Variants in PTDSS1 observed in about 807,000 individuals in gnomAD.
The protein encoded by PTDSS1 is PSS-1.
In PTDSS1, 45 loss-of-function variants were observed where a neutral mutation model predicts 70.5. The ratio of observed to expected loss-of-function variants is 0.64; its 90% CI spans 0.50 to 0.82. The LOEUF (loss-of-function observed/expected upper bound fraction) is 0.82. PTDSS1 is among the 40% of genes least tolerant of loss of function. The pLI is 0.00. For missense variants in PTDSS1, 417 were observed against 586.1 expected (o/e 0.71, Z 2.98); for synonymous variants, 188 against 203.8 (o/e 0.92, Z 0.66).
chr8:96,284,002 T>C (rs924951544), intron 2 of PTDSS1, 107 bp from the exon 3 acceptor site: 19 of 881,718 alleles, frequency 2.2e-5, no homozygotes, highest in African/African-American at 3.5e-5. Flanking sequence ...CTTTTAACAG[T>C]AGAGAGCTTT....
chr8:96,280,783 C>T (rs1467699719), intron 2 of PTDSS1, among the ~76,000 whole-genome samples: 1 of 151,966 alleles, frequency 6.6e-6, no homozygotes, highest in East Asian at 1.9e-4. Flanking sequence ...TTATCAAATC[C>T]GATATAAAGC....
chr8:96,331,460 C>T (rs1256130521), intron 12 of PTDSS1, among the ~76,000 whole-genome samples: 2 of 151,742 alleles, frequency 1.3e-5, no homozygotes, highest in East Asian at 3.9e-4. Context: ...ACCTGGAAGG[C>T]GGAGGTTGCC....
chr8:96,262,005 G>A lies in PTDSS1; in HGVS notation c.-36G>A. ...CGGGGTCCCGGCCTTCTCGGGCTGG[G>A]GCCGCCGCCACCGCGGCAGGACGGG... On this transcript the variant is annotated 5_prime_UTR_variant, in exon 1 of 13. Coordinates refer to ENST00000517309, the MANE Select transcript of PTDSS1 (RefSeq NM_014754.3). This position sits in a 1 kb window ranked among gnomAD's most constrained non-coding sequence, Gnocchi z 4.4. 1 of 1,593,238 alleles carries A rather than the reference G, an allele frequency of 6.3e-7. No homozygotes were observed. The highest frequency in any genetic ancestry group is 8.6e-7 in the Non-Finnish European group (1 of 1,169,030).
At chr8:96,333,388 G>T (rs1333102129) in intron 12 of PTDSS1, 69 bp from the exon 13 acceptor site, 1 of 1,383,830 alleles carries the variant, frequency 7.2e-7, no homozygotes, top group Non-Finnish European at 1.0e-6. Flanking sequence ...AGCCTAGGGC[G>T]GTCTGGAAAG....
chr8:96,273,282 T>C lies in PTDSS1; in HGVS notation c.180-17T>C. 6.4e-7 allele frequency: 1 copy of C among 1,563,144 alleles called. No homozygotes were observed. The highest frequency in any genetic ancestry group is 8.7e-7 in the Non-Finnish European group (1 of 1,151,158). On this transcript the variant is annotated splice_polypyrimidine_tract_variant and intron_variant, in intron 1 of 12. Transcript: ENST00000517309. Reference sequence around the variant, plus strand: ...GGATCTGAAAGTAAATGCTCAATGTTGTTTTTCTATTTTCAGGGATGACTC... The same window carrying C: ...GGATCTGAAAGTAAATGCTCAATGTCGTTTTTCTATTTTCAGGGATGACTC...
At chr8:96,318,902 C>CTT (rs71267241) in intron 9 of PTDSS1, among the ~76,000 whole-genome samples, 567 of 46,198 alleles carry the variant, frequency 0.012, 173 homozygotes, top group South Asian at 0.019. Flanking sequence ...CCCTTCTTGC[C>CTT]TTTTTTTTTT....
intron 7 of PTDSS1, among the ~76,000 whole-genome samples, 185 bp downstream of exon 7, chr8:96,304,366 C>T (rs1280696207): frequency 1.3e-5 from 2 of 152,164 alleles, no homozygotes; most frequent in Non-Finnish European, 2.9e-5. Flanking sequence ...GGTCTTGCCT[C>T]ATTTTGAAGA....
intron 11 of PTDSS1, 42 bp from the exon 12 acceptor site, chr8:96,330,984 G>T (rs1811507226): frequency 8.4e-6 from 13 of 1,546,792 alleles, no homozygotes; most frequent in Non-Finnish European, 1.2e-5. Context: ...TTCTCCCAGG[G>T]AGTTCCTAAA....
chr8:96,290,631 T>C (rs1304775271), intron 4 of PTDSS1, among the ~76,000 whole-genome samples: 1 of 152,116 alleles, frequency 6.6e-6, no homozygotes, highest in Non-Finnish European at 1.5e-5. Flanking sequence ...CCCTTTATAC[T>C]TCTTTAAATT....
At chr8:96,319,487 G>T (rs981752563) in intron 9 of PTDSS1, among the ~76,000 whole-genome samples, 2 of 131,356 alleles carry the variant, frequency 1.5e-5, no homozygotes, top group African/African-American at 5.2e-5. Flanking sequence ...TAAGTGTGTG[G>T]CGTTTCTTAA....
intron 10 of PTDSS1, among the ~76,000 whole-genome samples, chr8:96,327,840 C>G (rs1438295035): frequency 6.6e-6 from 1 of 152,186 alleles, no homozygotes; most frequent in Admixed American, 6.5e-5. Flanking sequence ...TTCTCGCCCC[C>G]CCGCCCTTTC....
chr8:96,293,597 T>C (rs937393611), intron 4 of PTDSS1, among the ~76,000 whole-genome samples: 1 of 152,256 alleles, frequency 6.6e-6, no homozygotes, highest in Non-Finnish European at 1.5e-5. Flanking sequence ...TCAGGTCTTA[T>C]GAGGGGATAA....
rs1302637265 is a variant in PTDSS1, at chr8:96,333,938, C to A, written c.*372C>A. 6 of 567,792 alleles carry A rather than the reference C, an allele frequency of 1.1e-5. No homozygotes were observed. Among genetic ancestry groups the A allele is most frequent in the Non-Finnish European group, 1.9e-5 (6 of 319,784 alleles). The allele number at this position is 567,792 out of a possible 1,614,324, so 35.2% of individuals were successfully genotyped here. On this transcript the variant is annotated 3_prime_UTR_variant, in exon 13 of 13. Transcript: ENST00000517309. ...ATCTTCCTTCAGACGAGGCATTAAC[C>A]CCATGGTTAATGGACTGGTCACCAG...
intron 12 of PTDSS1, among the ~76,000 whole-genome samples, chr8:96,331,443 C>T (rs374221989): frequency 3.4e-4 from 52 of 152,054 alleles, no homozygotes; most frequent in African/African-American, 1.2e-3. Context: ...CCAGGAGAAT[C>T]GCATGAACCT....
Position 96,330,520 on chromosome 8 carries a change from G to A in PTDSS1, c.1242+239G>A. ...GTCTAACTTTTGTTAGATAAAAAAA[G>A]TTATGTTTGTTTGGAGAAAAAAAGA... On this transcript the variant is annotated intron_variant, in intron 11 of 12. Coordinates refer to ENST00000517309, the MANE Select transcript of PTDSS1 (RefSeq NM_014754.3). 4.5e-5 allele frequency: 23 copies of A among 515,010 alleles called. No individual in the cohort carries two copies. The South Asian group carries it at 5.2e-4, about 12-fold the overall frequency. 31.9% of individuals were successfully genotyped at this position (515,010 alleles called of 1,614,324 possible). A position where few individuals can be genotyped will look rare whatever the true frequency, so the allele number is the denominator to read the frequency against.
intron 7 of PTDSS1, among the ~76,000 whole-genome samples, chr8:96,305,918 C>T (rs1300683505): frequency 1.3e-5 from 2 of 152,118 alleles, no homozygotes; most frequent in Admixed American, 6.5e-5. Flanking sequence ...TTACCTCAGG[C>T]GATCTGCCCG....
chr8:96,269,912 A>G (rs1810541067), intron 1 of PTDSS1, among the ~76,000 whole-genome samples: 1 of 152,140 alleles, frequency 6.6e-6, no homozygotes, highest in Admixed American at 6.5e-5. Flanking sequence ...AACGTTGTGA[A>G]CTCATGATAG....
Position 96,330,203 on chromosome 8 carries a change from T to C in PTDSS1, c.1174-10T>C. On this transcript the variant is annotated splice_polypyrimidine_tract_variant and intron_variant, in intron 10 of 12. Coordinates refer to ENST00000517309, the MANE Select transcript of PTDSS1 (RefSeq NM_014754.3). The stretch of plus-strand genomic sequence containing the variant: ...TTTTTTGTGCAGCATCATTTGTTTT[T>C]CTCTTCCAGGCTTTCACCACTTTCC... 3.1e-6 allele frequency: 5 copies of C among 1,609,176 alleles called. No homozygotes were observed. The highest frequency in any genetic ancestry group is 4.3e-6 in the Non-Finnish European group (5 of 1,175,580).
At chr8:96,300,073 C>A (rs1811030259) in intron 6 of PTDSS1, among the ~76,000 whole-genome samples, 1 of 152,142 alleles carries the variant, frequency 6.6e-6, no homozygotes, top group African/African-American at 2.4e-5. Context: ...GGTCCTAACA[C>A]CATCCTCCTA....
Sources: gnomAD v4.1 joint callset for allele counts (sites outside exome capture counted in the v4.1 genomes callset) on GRCh38, gnomAD v4.1.1 for gene constraint, Gnocchi (gnomAD v3.1) non-coding constraint, MANE v1.5 for transcripts, NCBI Gene and HGNC (gene_info 2026-07-23, HGNC 2026-07-21) for gene names.